Variants in KPNA1 observed in about 807,000 individuals in gnomAD.
KPNA1 encodes the protein importin subunit alpha-5.
Under a neutral mutation model 70.5 loss-of-function variants are expected in KPNA1, and 10 were observed. That is an observed-to-expected ratio of 0.14 (90% confidence interval 0.09 to 0.24). KPNA1 has a LOEUF of 0.24. Among genes scored for constraint, KPNA1 ranks in the 10% least tolerant of loss-of-function variants. The pLI is 1.00. For missense variants in KPNA1, 397 were observed against 637.9 expected (o/e 0.62, Z 4.07); for synonymous variants, 192 against 221.9 (o/e 0.87, Z 1.20).
intron 2 of KPNA1, among the ~76,000 whole-genome samples, chr3:122,484,758 T>C (rs1381057712): frequency 1.3e-5 from 2 of 152,166 alleles, no homozygotes; most frequent in African/African-American, 2.4e-5. Context: ...GGACTCAAGA[T>C]TGTTAACAGT....
chr3:122,506,013 A>C (rs2076886613), intron 1 of KPNA1, among the ~76,000 whole-genome samples: 1 of 152,238 alleles, frequency 6.6e-6, no homozygotes, highest in Admixed American at 6.5e-5. Flanking sequence ...GAACAAGTCT[A>C]AACTTCTTGG....
chr3:122,479,144 G>A (rs1402957732), intron 2 of KPNA1, among the ~76,000 whole-genome samples: 2 of 151,984 alleles, frequency 1.3e-5, no homozygotes, highest in Non-Finnish European at 2.9e-5. Flanking sequence ...ATGAAAGACT[G>A]GTAGCCAAAA....
Position 122,476,463 on chromosome 3 carries a change from C to G in KPNA1, c.130-9034G>C, listed in dbSNP as rs375925755. On this transcript the variant is annotated intron_variant, in intron 2 of 13. Transcript: ENST00000344337. ...TTTTTAAAAAGCACAGCAGAGGAAT[C>G]AAAAGAGTGAAGAGATAATTTATGC... Among the ~76,000 whole-genome samples, 7 of 152,034 alleles carry G rather than the reference C, an allele frequency of 4.6e-5. No individual in the cohort carries two copies. The East Asian group carries it at 7.7e-4, about 17-fold the overall frequency.
At chr3:122,498,177 T>G (rs1474938085) in intron 1 of KPNA1, among the ~76,000 whole-genome samples, 3 of 152,242 alleles carry the variant, frequency 2.0e-5, no homozygotes, top group Non-Finnish European at 2.9e-5. Context: ...ATAGACTGAA[T>G]GTGTGTCTCA....
intron 9 of KPNA1, among the ~76,000 whole-genome samples, chr3:122,445,152 C>T (rs2076119981): frequency 1.3e-5 from 2 of 152,116 alleles, no homozygotes; most frequent in South Asian, 2.1e-4. Flanking sequence ...AGCTAAAAAC[C>T]TTGAACAAAG....
At chr3:122,427,826 A>C (rs1165555958) in intron 12 of KPNA1, 110 bp from the exon 13 acceptor site, 3 of 637,806 alleles carry the variant, frequency 4.7e-6, no homozygotes, top group Non-Finnish European at 7.3e-6. Flanking sequence ...AAAAAAAAAC[A>C]AAAAACAAGC....
At chr3:122,498,021 A>G (rs955133124) in intron 1 of KPNA1, among the ~76,000 whole-genome samples, 12 of 152,108 alleles carry the variant, frequency 7.9e-5, no homozygotes, top group African/African-American at 2.9e-4. Flanking sequence ...GATACATTTA[A>G]GTCTGTGATC....
intron 12 of KPNA1, among the ~76,000 whole-genome samples, chr3:122,431,772 AAT>A (rs1352808270): frequency 6.6e-6 from 1 of 152,020 alleles, no homozygotes; most frequent in Non-Finnish European, 1.5e-5. Flanking sequence ...GGCATAATAA[AAT>A]ATATATGTTT....
chr3:122,497,152 G>A (rs965704094), intron 1 of KPNA1, among the ~76,000 whole-genome samples: 1 of 152,114 alleles, frequency 6.6e-6, no homozygotes, highest in Non-Finnish European at 1.5e-5. Flanking sequence ...TCCCTATTCT[G>A]GACATTTCAC....
chr3:122,456,007 C>T (rs756197921), intron 5 of KPNA1, among the ~76,000 whole-genome samples: 4 of 152,112 alleles, frequency 2.6e-5, no homozygotes, highest in Non-Finnish European at 5.9e-5. Flanking sequence ...TAATGTTACA[C>T]AGTCAAAGAC....
At chr3:122,469,546 A>G (rs907213116) in intron 2 of KPNA1, among the ~76,000 whole-genome samples, 1 of 152,220 alleles carries the variant, frequency 6.6e-6, no homozygotes, top group African/African-American at 2.4e-5. Flanking sequence ...AATAATTTCT[A>G]GGCCTTCTCC....
chr3:122,483,443 C>T (rs1217041040), intron 2 of KPNA1, among the ~76,000 whole-genome samples: 2 of 152,126 alleles, frequency 1.3e-5, no homozygotes, highest in African/African-American at 2.4e-5. Flanking sequence ...CTCCCAGGTT[C>T]AAGCAATCCT....
At chr3:122,496,129 A>T (rs569226055) in intron 2 of KPNA1, among the ~76,000 whole-genome samples, 1 of 152,316 alleles carries the variant, frequency 6.6e-6, no homozygotes, top group South Asian at 2.1e-4. Context: ...CATCAAAAAA[A>T]TCTTAAAGAA....
intron 1 of KPNA1, among the ~76,000 whole-genome samples, chr3:122,507,102 CCTACA>C (rs2076898490): frequency 6.6e-6 from 1 of 152,124 alleles, no homozygotes; most frequent in Non-Finnish European, 1.5e-5. Context: ...AAAAACCCAA[CCTACA>C]CTATTCTCTA....
chr3:122,482,606 T>C (rs1385816729), intron 2 of KPNA1, among the ~76,000 whole-genome samples: 2 of 152,124 alleles, frequency 1.3e-5, no homozygotes, highest in Non-Finnish European at 2.9e-5. Flanking sequence ...AAAAACCCAA[T>C]GGAATCTATA....
intron 2 of KPNA1, among the ~76,000 whole-genome samples, chr3:122,489,897 A>T (rs2076678065): frequency 6.6e-6 from 1 of 152,188 alleles, no homozygotes; most frequent in African/African-American, 2.4e-5. Flanking sequence ...TGTCAGGTTA[A>T]GTATGGAGCA....
At chr3:122,455,450 T>A (rs1246521840) in intron 5 of KPNA1, among the ~76,000 whole-genome samples, 2 of 152,168 alleles carry the variant, frequency 1.3e-5, no homozygotes, top group African/African-American at 4.8e-5. Flanking sequence ...GAAATAAAAA[T>A]TCTTCCCATA....
At chr3:122,496,848 T>C (rs2076767472) in intron 1 of KPNA1, among the ~76,000 whole-genome samples, 1 of 152,126 alleles carries the variant, frequency 6.6e-6, no homozygotes, top group African/African-American at 2.4e-5. Flanking sequence ...GGACCACAGG[T>C]GCATGCCACC....
intron 2 of KPNA1, among the ~76,000 whole-genome samples, chr3:122,472,962 T>A (rs754784432): frequency 5.9e-5 from 9 of 151,996 alleles, no homozygotes; most frequent in Admixed American, 3.3e-4. Context: ...GCGCCTGTAA[T>A]CCCAGCAACT....
Sources: allele counts gnomAD v4.1 joint callset (sites outside exome capture counted in the v4.1 genomes callset), GRCh38; gene constraint gnomAD v4.1.1; transcripts MANE v1.5; gene names NCBI Gene and HGNC (gene_info 2026-07-23, HGNC 2026-07-21).